CDC42SE2: variants seen among roughly 807,000 people sequenced by gnomAD.
The protein encoded by CDC42SE2 is CDC42 small effector 2, also known as CDC42 small effector protein 2.
Under a neutral mutation model 11.5 loss-of-function variants are expected in CDC42SE2, and 3 were observed. The ratio of observed to expected loss-of-function variants is 0.26; its 90% CI spans 0.12 to 0.67. The LOEUF is 0.67. CDC42SE2 is among the 30% of genes least tolerant of loss of function. The pLI, the probability that CDC42SE2 is intolerant of heterozygous loss-of-function variation, is 0.80. For synonymous variants in CDC42SE2, 33 were observed against 34.8 expected, an observed-to-expected ratio of 0.95 and a Z score of 0.18; for missense variants, 82 against 106.8, an observed-to-expected ratio of 0.77 and a Z score of 1.02.
chr5:131,368,771 T>C (rs917007726), intron 3 of CDC42SE2, among the ~76,000 whole-genome samples: 3 of 152,194 alleles, frequency 2.0e-5, no homozygotes, highest in Non-Finnish European at 4.4e-5. Context: ...TATCCTTTGC[T>C]CTATTATTTT....
At chr5:131,389,419 TAC>T (rs764312890) in intron 4 of CDC42SE2, among the ~76,000 whole-genome samples, 1 of 152,206 alleles carries the variant, frequency 6.6e-6, no homozygotes, top group Non-Finnish European at 1.5e-5. Flanking sequence ...ATTATAGCAA[TAC>T]CTTATAATGT....
At chr5:131,232,982 T>G in the CDC42SE2 span, among the ~76,000 whole-genome samples, 3 of 151,438 alleles carry the variant, frequency 2.0e-5, no homozygotes, top group East Asian at 5.8e-4. Context: ...AGGTGTACAG[T>G]GGAAAGGCTT....
intron 1 of CDC42SE2, among the ~76,000 whole-genome samples, chr5:131,282,753 C>T (rs1231368271): frequency 4.0e-5 from 6 of 151,804 alleles, no homozygotes; most frequent in Non-Finnish European, 5.9e-5. Context: ...CTCAGCCTCC[C>T]GAGTAGCTGG....
chr5:131,354,794 GA>G (rs958919049), intron 2 of CDC42SE2: 5 of 152,004 alleles, frequency 3.3e-5, no homozygotes, highest in African/African-American at 1.2e-4. Flanking sequence ...CCAAAAATCT[GA>G]AATCTGAAAT....
At chr5:131,286,396 T>A (rs929462517) in intron 1 of CDC42SE2, among the ~76,000 whole-genome samples, 2 of 149,902 alleles carry the variant, frequency 1.3e-5, no homozygotes, top group African/African-American at 4.9e-5. Flanking sequence ...TTTTTTTTTT[T>A]TTTTTTTTTT....
chr5:131,319,307 G>A (rs1167713327), intron 2 of CDC42SE2, among the ~76,000 whole-genome samples: 6 of 152,082 alleles, frequency 3.9e-5, no homozygotes, highest in Non-Finnish European at 7.4e-5. Context: ...AATGGAATTC[G>A]AAACCACTTA....
In CDC42SE2 at chr5:131,351,427, TG is replaced by T. The variant is rs112550372; in HGVS notation, c.-285-7781del. ...CTGCCACCACGCCCAGCAAATTTTTTGTATTTTTAGCAGAGACGGGGTTTCA... is the reference window on the plus strand; with the variant it reads ...CTGCCACCACGCCCAGCAAATTTTTTTATTTTTAGCAGAGACGGGGTTTCA... On this transcript the variant is annotated intron_variant, in intron 2 of 4. Coordinates refer to ENST00000505065, the MANE Select transcript of CDC42SE2 (RefSeq NM_001375635.1). Among the ~76,000 whole-genome samples, 1,359 of 152,264 alleles carry T rather than the reference TG, an allele frequency of 8.9e-3. 23 individuals carry two copies. The highest frequency in any genetic ancestry group is 0.031 in the African/African-American group (1,300 of 41,544).
the CDC42SE2 span, among the ~76,000 whole-genome samples, chr5:131,212,200 T>C: frequency 6.6e-6 from 1 of 151,954 alleles, no homozygotes; most frequent in African/African-American, 2.4e-5. Context: ...CTCTGCCTCT[T>C]GGGTTCAAGC....
At chr5:131,296,543 C>G (rs1757574092) in intron 1 of CDC42SE2, among the ~76,000 whole-genome samples, 1 of 152,194 alleles carries the variant, frequency 6.6e-6, no homozygotes, top group Non-Finnish European at 1.5e-5. Flanking sequence ...TTACTCCAGT[C>G]TCTTGCCTTT....
At chr5:131,311,530 C>A (rs1757913973) in intron 1 of CDC42SE2, among the ~76,000 whole-genome samples, 1 of 151,960 alleles carries the variant, frequency 6.6e-6, no homozygotes, top group Non-Finnish European at 1.5e-5. Flanking sequence ...TAATATCCTG[C>A]AGAGTGTTTT....
Position 131,272,185 on chromosome 5 carries a change from AT to A in CDC42SE2, c.-455+8028del, listed in dbSNP as rs577703950. ...ATCACCATGCCCGGCTGATTTTTGT[AT>A]TTTTTTTTAATAGAGACAGGGTTTC... is the stretch of plus-strand genomic sequence containing the variant. On this transcript the variant is annotated intron_variant, in intron 1 of 4. Transcript: ENST00000505065. Among the ~76,000 whole-genome samples, 485 of 150,100 alleles carry A rather than the reference AT, an allele frequency of 3.2e-3. 2 individuals are homozygous for A. Among genetic ancestry groups the A allele is most frequent in the African/African-American group, 0.011 (463 of 40,786 alleles).
At chr5:131,310,594 A>G (rs1370196921) in intron 1 of CDC42SE2, among the ~76,000 whole-genome samples, 1 of 151,434 alleles carries the variant, frequency 6.6e-6, no homozygotes, top group Non-Finnish European at 1.5e-5. Flanking sequence ...GTCTCTTTGT[A>G]GGTCACTCAG....
chr5:131,365,031 T>G (rs1413026000), intron 3 of CDC42SE2, among the ~76,000 whole-genome samples: 1 of 152,224 alleles, frequency 6.6e-6, no homozygotes, highest in African/African-American at 2.4e-5. Context: ...GGCTTATGCC[T>G]GTAATCCCAG....
rs539148470 is a variant in CDC42SE2 at position 131,350,639 on chromosome 5, A to G, written c.-285-8570A>G. On this transcript the variant is annotated intron_variant, in intron 2 of 4. Coordinates refer to ENST00000505065, the MANE Select transcript of CDC42SE2 (RefSeq NM_001375635.1). ...TGTGTGTGTGTGTGTGTGTGTGTGT[A>G]TATATATATGTATATATAATTTGAC... Among the ~76,000 whole-genome samples, 820 of 135,452 alleles carry G rather than the reference A, an allele frequency of 6.1e-3. 2 individuals are homozygous for G. Among genetic ancestry groups the G allele is most frequent in the Middle Eastern group, 0.015 (4 of 270 alleles). 88.9% of individuals were successfully genotyped at this position (135,452 alleles called of 152,430 possible).
chr5:131,376,269 A>C (rs1750151872), intron 3 of CDC42SE2, among the ~76,000 whole-genome samples: 1 of 151,968 alleles, frequency 6.6e-6, no homozygotes, highest in African/African-American at 2.4e-5. Flanking sequence ...TATTCAATAG[A>C]GAGTACAAAG....
chr5:131,301,103 T>C lies in CDC42SE2; in HGVS notation c.-454-14873T>C, dbSNP rs1757669541. ...TATTTGACCATACACAAAATACACA[T>C]AAACTCTTAAATACTGTATTGTACA... On this transcript the variant is annotated intron_variant, in intron 1 of 4. Transcript: ENST00000505065. 4.6e-5 allele frequency among the ~76,000 whole-genome samples: 7 copies of C among 152,284 alleles called. 1 individual carries two copies. The South Asian group carries it at 1.5e-3, about 32-fold the overall frequency.
intron 1 of CDC42SE2, among the ~76,000 whole-genome samples, chr5:131,307,815 C>G (rs1415890118): frequency 6.6e-6 from 1 of 152,150 alleles, no homozygotes. Flanking sequence ...CTCTGATGGC[C>G]AGTGATGATG....
At chr5:131,380,457 A>G (rs1175287759) in intron 3 of CDC42SE2, among the ~76,000 whole-genome samples, 2 of 152,202 alleles carry the variant, frequency 1.3e-5, no homozygotes, top group East Asian at 1.9e-4. Flanking sequence ...ACCCGTGACT[A>G]TTATACAGTA....
At chr5:131,232,531 G>A in the CDC42SE2 span, among the ~76,000 whole-genome samples, 1 of 151,900 alleles carries the variant, frequency 6.6e-6, no homozygotes, top group African/African-American at 2.4e-5. Context: ...TCAGGGATTT[G>A]AGACCAGCCT....
Sources: gnomAD v4.1 joint callset for allele counts (sites outside exome capture counted in the v4.1 genomes callset) on GRCh38, gnomAD v4.1.1 for gene constraint, MANE v1.5 for transcripts, NCBI Gene and HGNC (gene_info 2026-07-23, HGNC 2026-07-21) for gene names.